ELP2: variants seen among roughly 807,000 people sequenced by gnomAD.
ELP2 encodes elongator complex protein 2.
A neutral mutation model predicts 119.2 loss-of-function variants in ELP2; 90 were observed. The ratio of observed to expected loss-of-function variants is 0.75; its 90% confidence interval spans 0.64 to 0.90. The LOEUF (loss-of-function observed/expected upper bound fraction) is 0.90, where lower values mean the gene tolerates loss of function less well. ELP2 is among the 40% of genes least tolerant of loss of function. ELP2 has a pLI of 0.00. For missense variants in ELP2, 921 were observed against 967.8 expected, an observed-to-expected ratio of 0.95 and a Z score of 0.64; for synonymous variants, 339 against 331.0, an observed-to-expected ratio of 1.02 and a Z score of -0.26.
At chr18:36,173,817 G>A (rs1239217803) in intron 21 of ELP2, among the ~76,000 whole-genome samples, 1 of 152,104 alleles carries the variant, frequency 6.6e-6, no homozygotes, top group Non-Finnish European at 1.5e-5. Flanking sequence ...TAATTTGCAG[G>A]TTAAATTTAT....
chr18:36,170,297 ACT>A (rs1448637903), intron 20 of ELP2, 101 bp downstream of exon 20: 8 of 1,419,426 alleles, frequency 5.6e-6, no homozygotes, highest in Admixed American at 2.0e-5. Context: ...CCTCTGAGTT[ACT>A]GTCTTTTTTT....
chr18:36,149,906 C>T (rs768565515), intron 11 of ELP2, among the ~76,000 whole-genome samples: 34 of 152,194 alleles, frequency 2.2e-4, no homozygotes, highest in Non-Finnish European at 4.3e-4. Flanking sequence ...GGAGATATCT[C>T]TACCCATTGT....
Position 36,175,353 on chromosome 18 carries a change from A to G in ELP2, c.*712A>G, listed in dbSNP as rs1051201304. The stretch of plus-strand genomic sequence containing the variant: ...TATTTTAACATTTTCTATAGATAGC[A>G]TACCACGCCAAGTGTGCTCTGTCTT... On this transcript the variant is annotated 3_prime_UTR_variant, in exon 22 of 22. Coordinates refer to ENST00000358232, the MANE Select transcript of ELP2 (RefSeq NM_018255.4). 1 of 152,242 alleles carries G rather than the reference A, an allele frequency of 6.6e-6. No individual in the cohort carries two copies. Among genetic ancestry groups the G allele is most frequent in the Non-Finnish European group, 1.5e-5 (1 of 68,056 alleles). The allele number at this position is 152,242 out of a possible 1,614,324, so 9.4% of individuals were successfully genotyped here.
chr18:36,146,660 A>G (rs1250584156), intron 11 of ELP2, among the ~76,000 whole-genome samples: 1 of 152,100 alleles, frequency 6.6e-6, no homozygotes, highest in East Asian at 1.9e-4. Context: ...ACATAATTGG[A>G]TATCTTGTTG....
intron 11 of ELP2, among the ~76,000 whole-genome samples, chr18:36,149,859 C>T (rs79186320): frequency 0.055 from 8,359 of 152,132 alleles, 292 homozygotes; most frequent in East Asian, 0.096. Flanking sequence ...TTTCAATCGT[C>T]CATTTCTACT....
rs1465712427 is a variant in ELP2, at chr18:36,156,526, A to G, written c.1336A>G (p.Met446Val). 1.9e-6 allele frequency: 3 copies of G among 1,614,116 alleles called. No homozygotes were observed. The highest frequency in any genetic ancestry group is 1.1e-5 in the South Asian group (1 of 91,078). The change falls in exon 13 of 22, where the codon ATG becomes GTG. Residue 446 changes from methionine (M) to valine (V), a missense_variant. Met to Val is a conservative substitution (Grantham distance 21). Transcript: ENST00000358232. ...TGGGTATGACCTGAAATGTTTGGCAATGATTAATCGGTTTCAGTTTGTATC... is the reference window on the plus strand; with the variant it reads ...TGGGTATGACCTGAAATGTTTGGCAGTGATTAATCGGTTTCAGTTTGTATC... ...IHGYDLKCLAMINRFQFVSGA... is the reference protein window; with the variant it reads ...IHGYDLKCLAVINRFQFVSGA...
chr18:36,166,511 T>C (rs2090913274), intron 18 of ELP2, among the ~76,000 whole-genome samples: 1 of 151,688 alleles, frequency 6.6e-6, no homozygotes, highest in African/African-American at 2.4e-5. Flanking sequence ...TTTGTATTTT[T>C]AGTAGAGACG....
chr18:36,157,598 C>G (rs1487717169), intron 13 of ELP2, among the ~76,000 whole-genome samples: 1 of 152,116 alleles, frequency 6.6e-6, no homozygotes, highest in African/African-American at 2.4e-5. Context: ...AGAGAGTTAT[C>G]TGGAAGCCAA....
At chr18:36,169,727 T>C (rs1002761971) in intron 19 of ELP2, among the ~76,000 whole-genome samples, 2 of 152,088 alleles carry the variant, frequency 1.3e-5, no homozygotes, top group African/African-American at 4.8e-5. Context: ...TGGTAGCTTC[T>C]TGGGGAAGTG....
chr18:36,156,400 C>G, intron 12 of ELP2, 66 bp from the exon 13 acceptor site: 1 of 1,433,458 alleles, frequency 7.0e-7, no homozygotes, highest in Non-Finnish European at 9.8e-7. Context: ...TAATTTTCAT[C>G]TAATAATTTG....
Position 36,170,339 on chromosome 18 carries a change from TC to T in ELP2, c.2210+144del, listed in dbSNP as rs1937968985. The T allele has an allele frequency of 3.0e-6, 3 of 987,898 alleles. No individual in the cohort carries two copies. In the African/African-American group the frequency reaches 5.0e-5, roughly 16 times the overall value. 61.2% of individuals were successfully genotyped at this position (987,898 alleles called of 1,614,324 possible). On this transcript the variant is annotated intron_variant, in intron 20 of 21. Coordinates refer to ENST00000358232, the MANE Select transcript of ELP2 (RefSeq NM_018255.4). Reference sequence around the variant, plus strand: ...TTTTTTTTTTTGTTTTGAGATGGAGTCTCACTCTGTCGCCCAGGCTGGAATG... The same window carrying T: ...TTTTTTTTTTTGTTTTGAGATGGAGTTCACTCTGTCGCCCAGGCTGGAATG...
chr18:36,168,821 ACTT>A (rs962171721), intron 19 of ELP2, among the ~76,000 whole-genome samples: 2 of 151,618 alleles, frequency 1.3e-5, no homozygotes, highest in African/African-American at 2.4e-5. Context: ...TCTGAAATGT[ACTT>A]CTTCTTGCTT....
Position 36,142,924 on chromosome 18 carries a change from A to G in ELP2, c.754A>G (p.Asn252Asp), listed in dbSNP as rs757398906. The change falls in exon 8 of 22, where the codon AAC becomes GAC. Residue 252 changes from asparagine (N) to aspartate (D), a missense_variant. Physicochemically the swap from Asn to Asp is conservative, Grantham distance 23. Coordinates refer to ENST00000358232, the MANE Select transcript of ELP2 (RefSeq NM_018255.4). ...ATCTTTAGAAACTCAGGATGACGAT[A>G]ACATAAGACTGAAAGAAAATACTTT... ...STSLETQDDD[N>D]IRLKENTFTI... 8 of 1,593,262 alleles carry G rather than the reference A, an allele frequency of 5.0e-6. No individual in the cohort carries two copies. The highest frequency in any genetic ancestry group is 6.9e-6 in the Non-Finnish European group (8 of 1,165,428).
In ELP2 at chr18:36,129,949, C is replaced by G; in HGVS notation, c.16C>G (p.Leu6Val). The G allele has an allele frequency of 6.2e-7, 1 of 1,614,238 alleles. No homozygotes were observed. Among genetic ancestry groups the G allele is most frequent in the Non-Finnish European group, 8.5e-7 (1 of 1,180,046 alleles). Reference protein sequence around the residue: MVAPVLETSHVFCCPN... With the variant: MVAPVVETSHVFCCPN... ...AGTTGGCGACATGGTGGCACCCGTG[C>G]TGGAGACTTCTCACGTGTTTTGCTG... The change falls in exon 1 of 22, where the codon CTG becomes GTG. Residue 6 changes from leucine to valine, a missense_variant. Physicochemically the swap from Leu to Val is conservative, Grantham distance 32. Coordinates refer to ENST00000358232, the MANE Select transcript of ELP2 (RefSeq NM_018255.4).
chr18:36,138,934 G>A, intron 5 of ELP2, 62 bp downstream of exon 5: 1 of 1,230,206 alleles, frequency 8.1e-7, no homozygotes, highest in Non-Finnish European at 1.2e-6. Context: ...CATATGATTA[G>A]AACCTAAAAG....
Position 36,138,296 on chromosome 18 carries a change from C to T in ELP2, c.315C>T (p.Gly105=), listed in dbSNP as rs1567977505. The T allele has an allele frequency of 6.2e-7, 1 of 1,614,056 alleles. No homozygotes were observed. The highest frequency in any genetic ancestry group is 8.5e-7 in the Non-Finnish European group (1 of 1,179,984). ...NQLLKAVHLQ[G]HEGPVYAVHA... ...TTTTAAAAGCAGTGCATCTTCAAGG[C>T]CATGAAGGACCTGTTTATGCGGTGC... The change falls in exon 4 of 22, where the codon GGC becomes GGT. Residue 105 remains glycine, a synonymous_variant. Coordinates refer to ENST00000358232, the MANE Select transcript of ELP2 (RefSeq NM_018255.4).
intron 6 of ELP2, among the ~76,000 whole-genome samples, 164 bp from the exon 7 acceptor site, chr18:36,142,117 G>A (rs924520842): frequency 1.3e-5 from 2 of 152,050 alleles, no homozygotes; most frequent in South Asian, 4.2e-4. Flanking sequence ...TAGATATTAC[G>A]TGATGGGTTT....
intron 14 of ELP2, among the ~76,000 whole-genome samples, chr18:36,159,114 C>CT (rs5823998): frequency 0.011 from 1,480 of 138,538 alleles, 18 homozygotes; most frequent in African/African-American, 0.025. Flanking sequence ...TGTTTTTTCC[C>CT]TTTTTTTTTT....
chr18:36,166,140 T>G (rs2090887454), intron 18 of ELP2, among the ~76,000 whole-genome samples: 1 of 151,212 alleles, frequency 6.6e-6, no homozygotes, highest in Admixed American at 6.6e-5. Context: ...TTGCAGTGAG[T>G]GGAGATCCCA....
Sources: allele counts gnomAD v4.1 joint callset (sites outside exome capture counted in the v4.1 genomes callset), GRCh38; gene constraint gnomAD v4.1.1; transcripts MANE v1.5; gene names NCBI Gene and HGNC (gene_info 2026-07-23, HGNC 2026-07-21).